Variants in PKD2L2 observed in about 807,000 individuals in gnomAD.
PKD2L2 encodes the protein polycystin 2 like 2, transient receptor potential cation channel, also known as polycystin-2-like protein 2.
Under a neutral mutation model 83.9 loss-of-function variants are expected in PKD2L2, and 67 were observed. The ratio of observed to expected loss-of-function variants is 0.80; its 90% CI spans 0.66 to 0.98. The LOEUF is 0.98. Among genes scored for constraint, PKD2L2 ranks in the 50% least tolerant of loss-of-function variants. The pLI is 0.00. For missense variants in PKD2L2, 632 were observed against 717.2 expected, an observed-to-expected ratio of 0.88 and a Z score of 1.36; for synonymous variants, 223 against 237.8, an observed-to-expected ratio of 0.94 and a Z score of 0.57.
At chr5:137,941,827 T>G in intron 14 of PKD2L2, 1 of 808,790 alleles carries the variant, frequency 1.2e-6, no homozygotes, top group Non-Finnish European at 2.0e-6. Context: ...TTAAAATTTT[T>G]CAGTGCTAGC....
Position 137,925,835 on chromosome 5 carries a change from T to C in PKD2L2, c.1617-40T>C, listed in dbSNP as rs778311246. ...CTTTATGGTGGCATTTCCTTTCTTA[T>C]TGTCATTTGCCTCTGACTTTTATTT... On this transcript the variant is annotated intron_variant, in intron 11 of 14. Coordinates refer to ENST00000508883, the MANE Select transcript of PKD2L2 (RefSeq NM_001300921.2). The C allele has an allele frequency of 2.5e-5, 33 of 1,332,214 alleles. No homozygotes were observed. In the East Asian group the frequency reaches 3.2e-4, roughly 13 times the overall value. The allele number at this position is 1,332,214 out of a possible 1,614,324, so 82.5% of individuals were successfully genotyped here. A position where few individuals can be genotyped will look rare whatever the true frequency, so the allele number is the denominator to read the frequency against.
Position 137,912,366 on chromosome 5 carries a change from T to C in PKD2L2, c.1328+3420T>C, listed in dbSNP as rs534370707. The stretch of plus-strand genomic sequence containing the variant: ...CTAACAGGTGTGAGGTGATATCTCA[T>C]TTTGTTTTGGTTTGGTTTGAGATGG... On this transcript the variant is annotated intron_variant, in intron 8 of 14. Transcript: ENST00000508883. Among the ~76,000 whole-genome samples, 7 of 152,244 alleles carry C rather than the reference T, an allele frequency of 4.6e-5. No individual in the cohort carries two copies. The South Asian group carries it at 1.2e-3, about 27-fold the overall frequency.
intron 12 of PKD2L2, among the ~76,000 whole-genome samples, chr5:137,935,402 C>T (rs1760244809): frequency 6.6e-6 from 1 of 152,044 alleles, no homozygotes; most frequent in South Asian, 2.1e-4. Flanking sequence ...GCTGGGAAGG[C>T]CAAAAATACC....
At chr5:137,915,654 C>T (rs10073790) in intron 8 of PKD2L2, among the ~76,000 whole-genome samples, 112,287 of 152,070 alleles carry the variant, frequency 0.74, 42,116 homozygotes, top group East Asian at 0.97. Context: ...CTCCTGACCT[C>T]GTGATCTACC....
intron 3 of PKD2L2, 116 bp from the exon 4 acceptor site, chr5:137,894,237 T>G: frequency 1.1e-6 from 1 of 879,080 alleles, no homozygotes; most frequent in South Asian, 1.7e-5. Context: ...CCATTAATGG[T>G]AGCTTGGTCA....
At chr5:137,939,222 AG>A (rs1373482091) in intron 14 of PKD2L2, 1 of 151,916 alleles carries the variant, frequency 6.6e-6, no homozygotes, top group African/African-American at 2.4e-5. Context: ...TTAAAATAGG[AG>A]GGGAAAAAAA....
Position 137,942,642 on chromosome 5 carries a change from C to A in PKD2L2, c.*276C>A. 1 of 461,766 alleles carries A rather than the reference C, an allele frequency of 2.2e-6. No individual in the cohort carries two copies. Among genetic ancestry groups the A allele is most frequent in the Admixed American group, 4.0e-5 (1 of 24,954 alleles). 28.6% of individuals were successfully genotyped at this position (461,766 alleles called of 1,614,324 possible). A position where few individuals can be genotyped will look rare whatever the true frequency, so the allele number is the denominator to read the frequency against. ...CTTCAAAAACTGCTGGGATTATAGG[C>A]ATGAGCCACTGTGCCTGGCTAGATT... On this transcript the variant is annotated 3_prime_UTR_variant, in exon 15 of 15. Coordinates refer to ENST00000508883, the MANE Select transcript of PKD2L2 (RefSeq NM_001300921.2).
chr5:137,920,616 G>T (rs1758804145), intron 8 of PKD2L2, among the ~76,000 whole-genome samples: 1 of 152,060 alleles, frequency 6.6e-6, no homozygotes, highest in African/African-American at 2.4e-5. Context: ...AATTAGCTGG[G>T]CGTGGTGGCA....
At chr5:137,899,466 T>G (rs778909974) in intron 4 of PKD2L2, 50 bp from the exon 5 acceptor site, 27 of 1,213,636 alleles carry the variant, frequency 2.2e-5, no homozygotes, top group Non-Finnish European at 3.1e-5. Context: ...CTTAGAATAC[T>G]TCTCAGTTGG....
intron 8 of PKD2L2, among the ~76,000 whole-genome samples, chr5:137,920,162 C>T (rs760706192): frequency 1.5e-4 from 23 of 152,106 alleles, no homozygotes; most frequent in South Asian, 6.2e-4. Flanking sequence ...AAGATCCCAC[C>T]ACTGCACTCC....
intron 8 of PKD2L2, among the ~76,000 whole-genome samples, chr5:137,917,167 T>TC (rs1451190941): frequency 1.3e-5 from 2 of 149,168 alleles, no homozygotes; most frequent in African/African-American, 2.5e-5. Context: ...CTTTTCTTTT[T>TC]TTTTTTTTTT....
intron 12 of PKD2L2, among the ~76,000 whole-genome samples, chr5:137,929,165 A>T (rs892827877): frequency 6.6e-6 from 1 of 152,168 alleles, no homozygotes; most frequent in Non-Finnish European, 1.5e-5. Flanking sequence ...GGTATATAAA[A>T]AGATACACAA....
intron 12 of PKD2L2, among the ~76,000 whole-genome samples, chr5:137,929,000 T>A (rs942000474): frequency 6.6e-6 from 1 of 152,258 alleles, no homozygotes; most frequent in African/African-American, 2.4e-5. Context: ...GAAATAATGT[T>A]ATGTCTTACA....
intron 12 of PKD2L2, 83 bp from the exon 13 acceptor site, chr5:137,935,714 C>T (rs1760271862): frequency 1.3e-6 from 1 of 752,448 alleles, no homozygotes; most frequent in Non-Finnish European, 2.2e-6. Context: ...GCTTAAGATC[C>T]TCAATCCTGT....
At chr5:137,901,550 T>A (rs1366616792) in intron 5 of PKD2L2, among the ~76,000 whole-genome samples, 1 of 152,204 alleles carries the variant, frequency 6.6e-6, no homozygotes, top group African/African-American at 2.4e-5. Context: ...CCCTTATCTA[T>A]AAAATTGCTA....
intron 14 of PKD2L2, among the ~76,000 whole-genome samples, chr5:137,936,824 C>T (rs1007745737): frequency 6.6e-6 from 1 of 152,194 alleles, no homozygotes; most frequent in African/African-American, 2.4e-5. Flanking sequence ...TTAAAAAGTA[C>T]TCAACAACCT....
At chr5:137,914,465 T>C (rs1758143818) in intron 8 of PKD2L2, among the ~76,000 whole-genome samples, 1 of 152,226 alleles carries the variant, frequency 6.6e-6, no homozygotes, top group South Asian at 2.1e-4. Flanking sequence ...ATCCTCAACC[T>C]GTAATGTATA....
At chr5:137,902,836 A>G (rs1757077854) in intron 5 of PKD2L2, among the ~76,000 whole-genome samples, 1 of 152,176 alleles carries the variant, frequency 6.6e-6, no homozygotes, top group Non-Finnish European at 1.5e-5. Flanking sequence ...TTAACTTACC[A>G]CAAATGGTGT....
chr5:137,933,228 T>C (rs1197436098), intron 12 of PKD2L2, among the ~76,000 whole-genome samples: 1 of 152,146 alleles, frequency 6.6e-6, no homozygotes, highest in East Asian at 1.9e-4. Context: ...TCCACTCCTG[T>C]GGCATACACA....
Sources: allele counts gnomAD v4.1 joint callset (sites outside exome capture counted in the v4.1 genomes callset), GRCh38; gene constraint gnomAD v4.1.1; transcripts MANE v1.5; gene names NCBI Gene and HGNC (gene_info 2026-07-23, HGNC 2026-07-21).